ERMAP: variants seen among roughly 807,000 people sequenced by gnomAD.
The protein encoded by ERMAP is erythroid membrane-associated protein.
ERMAP carries 34 observed loss-of-function variants against 49.5 expected under a neutral mutation model. The ratio of observed to expected loss-of-function variants is 0.69; its 90% CI spans 0.52 to 0.91. The LOEUF is 0.91. Ranked by LOEUF, ERMAP falls within the 40% of genes least tolerant of loss-of-function variation. ERMAP has a pLI of 0.00. For synonymous variants in ERMAP, 214 were observed against 232.2 expected, an observed-to-expected ratio of 0.92 and a Z score of 0.71; for missense variants, 541 against 582.6, an observed-to-expected ratio of 0.93 and a Z score of 0.74.
At chr1:42,838,375 A>C (rs977233000) in intron 7 of ERMAP, among the ~76,000 whole-genome samples, 10 of 152,240 alleles carry the variant, frequency 6.6e-5, no homozygotes, top group African/African-American at 2.4e-4. Flanking sequence ...AATGTGGGCC[A>C]CATGGCCCTC....
intron 4 of ERMAP, among the ~76,000 whole-genome samples, chr1:42,833,998 CT>C (rs1178958659): frequency 6.6e-6 from 1 of 152,198 alleles, no homozygotes. Context: ...AGACTGAATG[CT>C]TTATATGACT....
intron 6 of ERMAP, among the ~76,000 whole-genome samples, chr1:42,836,467 G>A (rs1224741933): frequency 6.6e-6 from 1 of 152,176 alleles, no homozygotes; most frequent in East Asian, 1.9e-4. Flanking sequence ...GCGGAGCTGA[G>A]CCTCCTGAGG....
chr1:42,839,699 A>G (rs1655003206), intron 8 of ERMAP: 3 of 434,008 alleles, frequency 6.9e-6, no homozygotes, highest in Non-Finnish European at 4.1e-6. Flanking sequence ...CACAAAGTCC[A>G]ATACTCAGTG....
At chr1:42,833,412 G>C (rs1270522536) in intron 4 of ERMAP, among the ~76,000 whole-genome samples, 2 of 152,150 alleles carry the variant, frequency 1.3e-5, no homozygotes, top group Non-Finnish European at 2.9e-5. Flanking sequence ...GTTTACACAT[G>C]TGTATTCTTG....
chr1:42,835,120 C>A lies in ERMAP; in HGVS notation c.516C>A (p.Cys172Ter). 1 of 1,560,724 alleles carries A rather than the reference C, an allele frequency of 6.4e-7. No homozygotes were observed. The highest frequency in any genetic ancestry group is 8.8e-7 in the Non-Finnish European group (1 of 1,131,190). ...LPVLVLLIMV[C>*]LCLIWKQRRA... ...TCCTGGTACTTCTCATCATGGTGTGCCTTTGCCTTATCTGGAAGCAAAGAA... is the reference window on the plus strand; with the variant it reads ...TCCTGGTACTTCTCATCATGGTGTGACTTTGCCTTATCTGGAAGCAAAGAA... Residue 172 changes from cysteine (C) to a stop codon, truncating the protein, a stop_gained, in exon 5 of 12, where the codon TGC (cysteine) becomes TGA (stop). Coordinates refer to ENST00000372517, the MANE Select transcript of ERMAP (RefSeq NM_001017922.2). LOFTEE classifies it high-confidence loss of function.
rs201226367 is a variant in ERMAP, at chr1:42,840,066, T to A, written c.658+13T>A. On this transcript the variant is annotated intron_variant, in intron 9 of 11. Transcript: ENST00000372517. ...CGGAGTGAACTGAGTAAGTTTCCCA[T>A]GTTCTTGTAACTTCCGTACCAACTT... 9.2e-5 allele frequency: 149 copies of A among 1,614,216 alleles called. No homozygotes were observed. The highest frequency in any genetic ancestry group is 1.2e-4 in the Non-Finnish European group (136 of 1,180,030).
intron 4 of ERMAP, among the ~76,000 whole-genome samples, chr1:42,831,575 C>T (rs867583434): frequency 3.2e-3 from 272 of 83,790 alleles, no homozygotes; most frequent in South Asian, 4.1e-3. Context: ...TTTTTTTTCT[C>T]TTTTTTTTTT....
At chr1:42,830,681 C>A in intron 3 of ERMAP, 87 bp from the exon 4 acceptor site, 1 of 1,430,500 alleles carries the variant, frequency 7.0e-7, no homozygotes, top group South Asian at 1.3e-5. Context: ...TGGGCTCTGT[C>A]CGTCCCCGGG....
chr1:42,839,922 A>G, intron 8 of ERMAP, 111 bp from the exon 9 acceptor site: 1 of 1,052,904 alleles, frequency 9.5e-7, no homozygotes, highest in East Asian at 2.4e-5. Flanking sequence ...GTTCCAGGGT[A>G]TAGCTATTGA....
chr1:42,819,355 T>C lies in ERMAP; in HGVS notation c.-122+2102T>C, dbSNP rs1654347919. On this transcript the variant is annotated intron_variant, in intron 1 of 11. Transcript: ENST00000372517. This position sits in a 1 kb window ranked among gnomAD's most constrained non-coding sequence, Gnocchi z 5.1. ...CCAGTTTGGGATTCTACATTCTTTA[T>C]TGGGAAGGTGAAGGTTGGAGCCAGG... 6.6e-6 allele frequency among the ~76,000 whole-genome samples: 1 copy of C among 151,880 alleles called. No homozygotes were observed. Among genetic ancestry groups the C allele is most frequent in the African/African-American group, 2.4e-5 (1 of 41,382 alleles).
intron 1 of ERMAP, among the ~76,000 whole-genome samples, chr1:42,820,666 G>C (rs11803028): frequency 1.3e-3 from 200 of 152,124 alleles, no homozygotes; most frequent in African/African-American, 4.6e-3. Flanking sequence ...TAATTTCCAA[G>C]AGTTTTTGTT....
chr1:42,829,788 A>T (rs1654660336), intron 2 of ERMAP: 1 of 152,432 alleles, frequency 6.6e-6, no homozygotes, highest in Non-Finnish European at 1.5e-5. Flanking sequence ...TAAGAACCCG[A>T]GGTCCAGAGA....
chr1:42,819,325 A>C lies in ERMAP; in HGVS notation c.-122+2072A>C, dbSNP rs11801074. ...AGATTTCAGAAAAGAACGGAACTGGAGATACCAGTTTGGGATTCTACATTC... is the reference window on the plus strand; with the variant it reads ...AGATTTCAGAAAAGAACGGAACTGGCGATACCAGTTTGGGATTCTACATTC... On this transcript the variant is annotated intron_variant, in intron 1 of 11. Coordinates refer to ENST00000372517, the MANE Select transcript of ERMAP (RefSeq NM_001017922.2). This position sits in a 1 kb window ranked among gnomAD's most constrained non-coding sequence, Gnocchi z 5.1. 0.043 allele frequency among the ~76,000 whole-genome samples: 6,558 copies of C among 152,164 alleles called. 205 individuals carry two copies. The highest frequency in any genetic ancestry group is 0.078 in the African/African-American group (3,226 of 41,484).
chr1:42,829,567 A>T (rs1654650987), intron 2 of ERMAP, among the ~76,000 whole-genome samples: 1 of 152,136 alleles, frequency 6.6e-6, no homozygotes, highest in South Asian at 2.1e-4. Context: ...AAAGAGCTTT[A>T]CAGGAGGAAA....
chr1:42,836,888 C>A, intron 6 of ERMAP: 1 of 304,026 alleles, frequency 3.3e-6, no homozygotes, highest in Non-Finnish European at 6.0e-6. Context: ...TGCAATCCAG[C>A]CAGGGTGGCA....
At chr1:42,840,246 T>G (rs1254258136) in intron 10 of ERMAP, 24 bp from the exon 11 acceptor site, 4 of 1,614,090 alleles carry the variant, frequency 2.5e-6, no homozygotes, top group Non-Finnish European at 3.4e-6. Context: ...GGTACTTTAA[T>G]GATCCCCTTT....
In ERMAP at chr1:42,842,503, G is replaced by A. The variant is rs1655084960; in HGVS notation, c.713-14G>A. 2 of 1,604,416 alleles carry A rather than the reference G, an allele frequency of 1.2e-6. No individual in the cohort carries two copies. The highest frequency in any genetic ancestry group is 1.3e-5 in the African/African-American group (1 of 74,772). On this transcript the variant is annotated splice_polypyrimidine_tract_variant and intron_variant, in intron 11 of 11. Transcript: ENST00000372517. The stretch of plus-strand genomic sequence containing the variant: ...CTATACTTCCAAGCCTCACCTGTCT[G>A]TGTCTCTTTGCAGTGGCAGTGACCC...
At chr1:42,835,345 G>A (rs1654863677) in intron 5 of ERMAP, among the ~76,000 whole-genome samples, 191 bp downstream of exon 5, 1 of 93,532 alleles carries the variant, frequency 1.1e-5, no homozygotes, top group South Asian at 2.9e-4. Flanking sequence ...ATAAACTGCA[G>A]AAAGGCCCCT....
intron 2 of ERMAP, among the ~76,000 whole-genome samples, chr1:42,827,474 T>C (rs982907105): frequency 6.6e-6 from 1 of 152,252 alleles, no homozygotes; most frequent in African/African-American, 2.4e-5. Flanking sequence ...TGCCCAGTCA[T>C]GGTTTTTGTT....
Sources: allele counts gnomAD v4.1 joint callset (sites outside exome capture counted in the v4.1 genomes callset), GRCh38; gene constraint gnomAD v4.1.1; non-coding constraint Gnocchi (gnomAD v3.1); transcripts MANE v1.5; gene names NCBI Gene and HGNC (gene_info 2026-07-23, HGNC 2026-07-21).